Variants in IDO2 observed in about 807,000 individuals in gnomAD.
IDO2 encodes indoleamine 2,3-dioxygenase-like 1 protein.
IDO2 carries 46 observed loss-of-function variants against 45.1 expected under a neutral mutation model. That is an observed-to-expected ratio of 1.02 (90% CI 0.80 to 1.30). IDO2 has a LOEUF of 1.30. Ranked by LOEUF, IDO2 falls within the 50% of genes most tolerant of loss-of-function variation. The probability of loss-of-function intolerance (pLI) is 0.00; values close to 1 mark genes in which losing one functional copy is unlikely to be tolerated. For synonymous variants in IDO2, 218 were observed against 184.9 expected (o/e 1.18, Z -1.45); for missense variants, 544 against 491.8 (o/e 1.11, Z -1.00).
At chr8:39,943,849 A>G (rs1011856713) in intron 1 of IDO2, among the ~76,000 whole-genome samples, 5 of 151,912 alleles carry the variant, frequency 3.3e-5, no homozygotes, top group Admixed American at 6.6e-5. Context: ...AACTCTCACC[A>G]CTCTTACTCA....
At position 39,957,433 on chromosome 8, in the gene IDO2, G is replaced by A. The variant is rs559254745; in HGVS notation, c.100-6175G>A. Among the ~76,000 whole-genome samples, 19 of 152,110 alleles carry A rather than the reference G, an allele frequency of 1.2e-4. No individual in the cohort carries two copies. The South Asian group carries it at 2.1e-3, about 17-fold the overall frequency. The stretch of plus-strand genomic sequence containing the variant: ...TTGAGACCAGCCTGGGCAACATAGC[G>A]AGACCCCATCTCTACAAAAATAAAA... On this transcript the variant is annotated intron_variant, in intron 2 of 10. Coordinates refer to ENST00000502986, the Ensembl canonical transcript of IDO2.
At chr8:39,984,834 AG>A (rs1808399917) in intron 5 of IDO2, 3 of 382,634 alleles carry the variant, frequency 7.8e-6, no homozygotes, top group Non-Finnish European at 1.5e-5. Flanking sequence ...ACTTGATGTA[AG>A]GCAAATCCTA....
chr8:39,968,078 C>CAAAA (rs35600937), intron 3 of IDO2, among the ~76,000 whole-genome samples: 13,864 of 138,832 alleles, frequency 0.1, 764 homozygotes, highest in Admixed American at 0.14. Context: ...TCATAATCAC[C>CAAAA]AAAAAAAAAA....
rs1448981283 is a variant in IDO2, at chr8:39,982,236, G to GTGTATATA, written c.316-415_316-414insGTATATAT. Among the ~76,000 whole-genome samples, 5 of 139,704 alleles carry GTGTATATA rather than the reference G, an allele frequency of 3.6e-5. No individual in the cohort carries two copies. The East Asian group carries it at 1.6e-3, about 44-fold the overall frequency. 91.7% of individuals were successfully genotyped at this position (139,704 alleles called of 152,430 possible). ...CTATCATCTCTCTCTATATATGTGT[G>GTGTATATA]TATATATATATATATATGTATATAT... On this transcript the variant is annotated intron_variant, in intron 4 of 10. Transcript: ENST00000502986.
At chr8:40,006,980 A>T (rs911424332) in intron 9 of IDO2, among the ~76,000 whole-genome samples, 7 of 152,014 alleles carry the variant, frequency 4.6e-5, no homozygotes, top group African/African-American at 1.7e-4. Context: ...ACTTTTAGAT[A>T]CTCTCTTTGC....
intron 3 of IDO2, among the ~76,000 whole-genome samples, chr8:39,976,876 TACACC>T (rs1808267092): frequency 6.6e-6 from 1 of 152,240 alleles, no homozygotes; most frequent in African/African-American, 2.4e-5. Context: ...AGACTTTTAA[TACACC>T]TGTCATCAGG....
chr8:39,950,559 G>A (rs942175462), intron 2 of IDO2, among the ~76,000 whole-genome samples: 1 of 152,114 alleles, frequency 6.6e-6, no homozygotes, highest in Admixed American at 6.5e-5. Context: ...CTCAGCAAAA[G>A]GACCTTTACT....
intron 8 of IDO2, among the ~76,000 whole-genome samples, chr8:39,999,571 G>T (rs934725249): frequency 1.3e-5 from 2 of 151,158 alleles, no homozygotes; most frequent in Non-Finnish European, 2.9e-5. Context: ...GAGCCACCAC[G>T]CCTGGCCACA....
At chr8:39,980,069 C>A (rs1808320282) in intron 4 of IDO2, among the ~76,000 whole-genome samples, 1 of 152,204 alleles carries the variant, frequency 6.6e-6, no homozygotes, top group African/African-American at 2.4e-5. Context: ...AGTGATCCTC[C>A]TGCCTTTGCC....
chr8:39,985,799 A>C, intron 6 of IDO2: 1 of 335,044 alleles, frequency 3.0e-6, no homozygotes, highest in Non-Finnish European at 5.4e-6. Flanking sequence ...ACAAAACAAA[A>C]TGAAACTTTA....
At position 39,963,617 on chromosome 8, in the gene IDO2, C is replaced by T. The variant is rs774893539; in HGVS notation, c.109C>T (p.Pro37Ser). The change falls in exon 3 of 11, where the codon CCA (proline) becomes TCA (serine). Residue 37 changes from proline to serine, a missense_variant. Pro to Ser is a moderately conservative substitution (Grantham distance 74). Transcript: ENST00000502986. ...TCTATTTTAAATGCAGAAAGAACTT[C>T]CAGATCATTATAGGCCTTGGATGGA... 84 of 1,603,644 alleles carry T rather than the reference C, an allele frequency of 5.2e-5. 1 individual carries two copies. The Admixed American group carries it at 1.4e-3, about 26-fold the overall frequency.
chr8:39,985,323 C>T (rs914860918), intron 5 of IDO2, 185 bp from the exon 6 acceptor site: 37 of 612,658 alleles, frequency 6.0e-5, no homozygotes, highest in Middle Eastern at 2.9e-4. Context: ...ACCCCATAGT[C>T]CAGCCACAAC....
At chr8:39,944,611 C>T (rs1264336811) in intron 1 of IDO2, among the ~76,000 whole-genome samples, 1 of 152,166 alleles carries the variant, frequency 6.6e-6, no homozygotes, top group African/African-American at 2.4e-5. Context: ...CACAGGAATT[C>T]GTCTGATTGA....
intron 2 of IDO2, among the ~76,000 whole-genome samples, chr8:39,955,346 C>T (rs1210232616): frequency 6.7e-6 from 1 of 148,328 alleles, no homozygotes; most frequent in Non-Finnish European, 1.5e-5. Flanking sequence ...CCTCTGCCTC[C>T]TGGGTTCAAG....
At chr8:40,000,492 A>G (rs766079317) in intron 8 of IDO2, among the ~76,000 whole-genome samples, 183 of 152,324 alleles carry the variant, frequency 1.2e-3, no homozygotes, top group Middle Eastern at 6.8e-3. Context: ...TTGTCTAAAA[A>G]GAATTAAAAT....
chr8:40,016,320 TA>T, exon 11 of IDO2: 1 of 397,190 alleles, frequency 2.5e-6, no homozygotes. Flanking sequence ...CCTATATAAG[TA>T]AATAAGAAAA....
intron 1 of IDO2, among the ~76,000 whole-genome samples, chr8:39,947,948 C>A (rs1426452704): frequency 3.3e-5 from 5 of 152,036 alleles, no homozygotes; most frequent in Non-Finnish European, 7.4e-5. Flanking sequence ...CCACCACGCT[C>A]GGCTAATTTT....
At chr8:39,975,170 T>G (rs12216715) in intron 3 of IDO2, among the ~76,000 whole-genome samples, 13 of 20,526 alleles carry the variant, frequency 6.3e-4, no homozygotes, top group Non-Finnish European at 1.2e-3. Flanking sequence ...TTTTTTTTTT[T>G]GTTTTTTTTT....
chr8:39,974,683 C>A (rs1337714245), intron 3 of IDO2, among the ~76,000 whole-genome samples: 2 of 152,166 alleles, frequency 1.3e-5, no homozygotes, highest in Non-Finnish European at 2.9e-5. Flanking sequence ...CTTTGGGAGG[C>A]CCATGTGGGC....
Sources: allele counts gnomAD v4.1 joint callset (sites outside exome capture counted in the v4.1 genomes callset), GRCh38; gene constraint gnomAD v4.1.1; transcripts MANE v1.5; gene names NCBI Gene and HGNC (gene_info 2026-07-23, HGNC 2026-07-21).